Variants in ASB3 observed in about 807,000 individuals in gnomAD.
ASB3 encodes ankyrin repeat and SOCS box protein 3.
Under a neutral mutation model 54.5 loss-of-function variants are expected in ASB3, and 41 were observed. The ratio of observed to expected loss-of-function variants is 0.75; its 90% CI spans 0.59 to 0.98. ASB3 has a LOEUF of 0.98. Among genes scored for constraint, ASB3 ranks in the 50% least tolerant of loss-of-function variants. The pLI is 0.00. For missense variants in ASB3, 733 were observed against 620.0 expected (o/e 1.18, Z -1.94); for synonymous variants, 266 against 221.2 (o/e 1.20, Z -1.80).
At chr2:53,684,518 G>C (rs562122737) in intron 9 of ASB3, among the ~76,000 whole-genome samples, 2 of 152,294 alleles carry the variant, frequency 1.3e-5, no homozygotes, top group East Asian at 1.9e-4. Flanking sequence ...TTATGAGAAA[G>C]AGCATTTCAT....
At chr2:53,774,992 T>C (rs1420603552) in intron 1 of ASB3, 1 of 152,800 alleles carries the variant, frequency 6.5e-6, no homozygotes, top group Non-Finnish European at 1.5e-5. Context: ...GAACAGTATT[T>C]CAGCCTTAAT....
At chr2:53,719,150 C>G (rs1282351659) in intron 5 of ASB3, among the ~76,000 whole-genome samples, 3 of 152,146 alleles carry the variant, frequency 2.0e-5, no homozygotes, top group Non-Finnish European at 4.4e-5. Flanking sequence ...GTCTTGATCT[C>G]TTGACCTCGT....
intron 5 of ASB3, among the ~76,000 whole-genome samples, chr2:53,726,657 T>C (rs1002562180): frequency 1.3e-5 from 2 of 151,314 alleles, no homozygotes; most frequent in East Asian, 1.9e-4. Context: ...CACATATATA[T>C]ACACACACAT....
intron 4 of ASB3, among the ~76,000 whole-genome samples, chr2:53,729,186 T>G (rs1671167442): frequency 6.6e-6 from 1 of 152,198 alleles, no homozygotes; most frequent in South Asian, 2.1e-4. Context: ...CCATTGCTCT[T>G]TATCAATTTA....
chr2:53,774,060 G>T (rs1158019867), intron 1 of ASB3: 1 of 1,351,526 alleles, frequency 7.4e-7, no homozygotes, highest in Non-Finnish European at 1.0e-6. Context: ...GAATATATGA[G>T]ATACTCCCTT....
At chr2:53,767,293 T>C (rs1395201741) in intron 1 of ASB3, 1 of 152,278 alleles carries the variant, frequency 6.6e-6, no homozygotes, top group East Asian at 1.9e-4. Flanking sequence ...CGTAAACTTC[T>C]ATTGTAAACT....
intron 9 of ASB3, among the ~76,000 whole-genome samples, chr2:53,674,564 T>C (rs976365928): frequency 7.9e-5 from 12 of 152,190 alleles, no homozygotes; most frequent in Non-Finnish European, 2.9e-5. Flanking sequence ...ACTATATCTA[T>C]ATCATACACA....
chr2:53,674,504 C>T (rs1402730296), intron 9 of ASB3, among the ~76,000 whole-genome samples: 36 of 152,156 alleles, frequency 2.4e-4, no homozygotes, highest in Admixed American at 2.4e-3. Flanking sequence ...ATAAACGTCA[C>T]AATTCTTAAT....
At chr2:53,700,221 T>C (rs1558524453) in intron 8 of ASB3, 50 bp downstream of exon 8, 2 of 1,570,740 alleles carry the variant, frequency 1.3e-6, no homozygotes, top group Non-Finnish European at 1.7e-6. Context: ...AAATTAAAGG[T>C]AGTATATTCA....
chr2:53,728,149 C>G (rs541339898), intron 5 of ASB3, among the ~76,000 whole-genome samples: 1 of 152,214 alleles, frequency 6.6e-6, no homozygotes, highest in South Asian at 2.1e-4. Context: ...GTAAAATAAA[C>G]ATTTCTGGTC....
intron 2 of ASB3, among the ~76,000 whole-genome samples, chr2:53,754,542 A>G (rs1475119982): frequency 6.6e-6 from 1 of 152,238 alleles, no homozygotes; most frequent in East Asian, 1.9e-4. Flanking sequence ...AAATATATTA[A>G]GCTAACTTTA....
intron 9 of ASB3, among the ~76,000 whole-genome samples, chr2:53,681,812 T>G (rs1026482926): frequency 2.2e-4 from 34 of 152,184 alleles, no homozygotes; most frequent in Admixed American, 1.8e-3. Context: ...AGTTTTGTTC[T>G]TTTTGCTCAG....
chr2:53,755,541 T>C (rs1035005732), intron 2 of ASB3, among the ~76,000 whole-genome samples: 10 of 152,214 alleles, frequency 6.6e-5, no homozygotes, highest in Non-Finnish European at 1.2e-4. Flanking sequence ...ACAAGTGTAA[T>C]AAATGTCAAG....
chr2:53,740,312 C>CATTT (rs1206362172), intron 3 of ASB3, among the ~76,000 whole-genome samples: 1 of 152,082 alleles, frequency 6.6e-6, no homozygotes, highest in Non-Finnish European at 1.5e-5. Flanking sequence ...AAAAAAGGAA[C>CATTT]ATTTGTAAGA....
intron 6 of ASB3, among the ~76,000 whole-genome samples, chr2:53,715,861 T>A (rs1354090673): frequency 6.6e-6 from 1 of 152,176 alleles, no homozygotes; most frequent in Non-Finnish European, 1.5e-5. Context: ...TATTACTTTT[T>A]AAATTAAATA....
chr2:53,733,248 C>T (rs1410136110), intron 3 of ASB3, among the ~76,000 whole-genome samples: 1 of 152,164 alleles, frequency 6.6e-6, no homozygotes, highest in Non-Finnish European at 1.5e-5. Flanking sequence ...TACATGTCAG[C>T]AACAGCAAAT....
chr2:53,680,575 CTTT>C (rs778413392), intron 9 of ASB3, among the ~76,000 whole-genome samples: 11 of 151,876 alleles, frequency 7.2e-5, no homozygotes, highest in Non-Finnish European at 1.6e-4. Context: ...ATTTTTAAAA[CTTT>C]TTTATTTTTA....
chr2:53,695,909 T>A (rs1182943094), intron 8 of ASB3, among the ~76,000 whole-genome samples: 1 of 152,178 alleles, frequency 6.6e-6, no homozygotes, highest in East Asian at 1.9e-4. Context: ...AAAATATGTT[T>A]ATAATTTACG....
At chr2:53,692,896 G>A (rs1347133922) in intron 9 of ASB3, among the ~76,000 whole-genome samples, 1 of 152,122 alleles carries the variant, frequency 6.6e-6, no homozygotes, top group African/African-American at 2.4e-5. Flanking sequence ...ATACTAGAAG[G>A]CTGAAAGACT....
Sources: allele counts gnomAD v4.1 joint callset (sites outside exome capture counted in the v4.1 genomes callset), GRCh38; gene constraint gnomAD v4.1.1; transcripts MANE v1.5; gene names NCBI Gene and HGNC (gene_info 2026-07-23, HGNC 2026-07-21).